Variants in ABCA13 observed in about 807,000 individuals in gnomAD.
ABCA13 encodes the protein ATP binding cassette subfamily A member 13.
In ABCA13, 476 loss-of-function variants were observed where a neutral mutation model predicts 478.7. The ratio of observed to expected loss-of-function variants is 0.99; its 90% confidence interval spans 0.92 to 1.07. The LOEUF (loss-of-function observed/expected upper bound fraction) is 1.07. Among genes scored for constraint, ABCA13 ranks in the 50% least tolerant of loss-of-function variants. The pLI is 0.00. For missense variants in ABCA13, 6,060 were observed against 5,910.6 expected (o/e 1.03, Z -0.83); for synonymous variants, 2,252 against 2,158.9 (o/e 1.04, Z -1.20).
At chr7:48,246,408 A>G (rs1342538423) in intron 13 of ABCA13, among the ~76,000 whole-genome samples, 1 of 152,216 alleles carries the variant, frequency 6.6e-6, no homozygotes, top group Non-Finnish European at 1.5e-5. Flanking sequence ...ACAAGCTTTA[A>G]AAGTCATATT....
intron 59 of ABCA13, among the ~76,000 whole-genome samples, chr7:48,634,682 G>A (rs1029065754): frequency 6.6e-6 from 1 of 151,714 alleles, no homozygotes; most frequent in Non-Finnish European, 1.5e-5. Context: ...TTTAGGTTTA[G>A]TTTGCTTTTC....
chr7:48,209,846 C>A (rs760039937), intron 3 of ABCA13, among the ~76,000 whole-genome samples: 15 of 151,838 alleles, frequency 9.9e-5, no homozygotes, highest in Non-Finnish European at 2.1e-4. Context: ...CCTTTTTTGC[C>A]TCAAACTTTA....
At chr7:48,371,957 T>A (rs1004773187) in intron 32 of ABCA13, among the ~76,000 whole-genome samples, 1 of 152,164 alleles carries the variant, frequency 6.6e-6, no homozygotes, top group Non-Finnish European at 1.5e-5. Flanking sequence ...AAAAATTTAA[T>A]TTAATTTTAA....
chr7:48,507,798 T>C, intron 49 of ABCA13, 74 bp from the exon 50 acceptor site: 1 of 1,465,432 alleles, frequency 6.8e-7, no homozygotes, highest in Non-Finnish European at 9.1e-7. Flanking sequence ...GCTGTCATCA[T>C]TGCTGATTGT....
At chr7:48,586,933 G>A (rs963072681) in intron 56 of ABCA13, among the ~76,000 whole-genome samples, 2 of 152,076 alleles carry the variant, frequency 1.3e-5, no homozygotes, top group African/African-American at 4.8e-5. Context: ...TGATTATTCT[G>A]ACCATCACTT....
intron 32 of ABCA13, among the ~76,000 whole-genome samples, chr7:48,370,784 A>G (rs1263070682): frequency 6.6e-6 from 1 of 152,228 alleles, no homozygotes; most frequent in Non-Finnish European, 1.5e-5. Context: ...AAAGTTTGAA[A>G]GAGCACAAAT....
At chr7:48,312,957 A>T in intron 24 of ABCA13, 110 bp from the exon 25 acceptor site, 1 of 1,197,758 alleles carries the variant, frequency 8.3e-7, no homozygotes, top group African/African-American at 1.5e-5. Context: ...CTGAAGTTCA[A>T]GAGAGAATAA....
At chr7:48,352,124 G>C in intron 30 of ABCA13, 57 bp from the exon 31 acceptor site, 7 of 1,519,182 alleles carry the variant, frequency 4.6e-6, no homozygotes, top group Non-Finnish European at 6.2e-6. Flanking sequence ...GTGTAGGCGT[G>C]GTTTGAGCCA....
At chr7:48,173,848 T>C (rs192708068) in intron 1 of ABCA13, among the ~76,000 whole-genome samples, 1 of 152,334 alleles carries the variant, frequency 6.6e-6, no homozygotes, top group East Asian at 1.9e-4. Context: ...CAACAGTACC[T>C]GGTATAGGAG....
chr7:48,481,461 G>GACTTTC lies in ABCA13; in HGVS notation c.13094+311_13094+316dup, dbSNP rs572300037. Among the ~76,000 whole-genome samples the GACTTTC allele has an allele frequency of 9.2e-5, 14 of 152,304 alleles. No individual in the cohort carries two copies. In the East Asian group the frequency reaches 2.5e-3, roughly 27 times the overall value. On this transcript the variant is annotated intron_variant, in intron 46 of 61. Coordinates refer to ENST00000435803, the MANE Select transcript of ABCA13 (RefSeq NM_152701.5). ...GACCTTAATAAGATTCCTTACTGCTGACTTTCACTCTTTTAAGTGCTGGGG... is the reference window on the plus strand; with the variant it reads ...GACCTTAATAAGATTCCTTACTGCTGACTTTCACTTTCACTCTTTTAAGTGCTGGGG...
rs949537811 is a variant in ABCA13 at position 48,288,024 on chromosome 7, G to A, written c.8901G>A (p.Arg2967=). ...ATLSCKQNGI[R]HLILSAIQGV... ...TGAGTTGCAAGCAAAATGGGATAAG[G>A]CATCTCATTTTATCTGCTATACAAG... The change falls in exon 20 of 62, where the codon AGG becomes AGA. Residue 2967 remains arginine, a synonymous_variant. Transcript: ENST00000435803. The A allele has an allele frequency of 2.9e-5, 47 of 1,613,960 alleles. No individual in the cohort carries two copies. Among genetic ancestry groups the A allele is most frequent in the Non-Finnish European group, 4.0e-5 (47 of 1,179,876 alleles).
In ABCA13 at chr7:48,341,725, C is replaced by CTG. The variant is rs1184099845; in HGVS notation, c.10204+3280_10204+3281dup. Among the ~76,000 whole-genome samples the CTG allele has an allele frequency of 5.4e-5, 8 of 148,762 alleles. No individual in the cohort carries two copies. In the East Asian group the frequency reaches 7.9e-4, roughly 15 times the overall value. On this transcript the variant is annotated intron_variant, in intron 29 of 61. Coordinates refer to ENST00000435803, the MANE Select transcript of ABCA13 (RefSeq NM_152701.5). Reference sequence around the variant, plus strand: ...TCTCTATTGGTTTTTTCCTTTTGCCCTGTGTGTGTGTATGTGTGTGTGTTT... The same window carrying CTG: ...TCTCTATTGGTTTTTTCCTTTTGCCCTGTGTGTGTGTGTATGTGTGTGTGTTT...
intron 42 of ABCA13, among the ~76,000 whole-genome samples, chr7:48,453,608 A>G (rs888775723): frequency 6.6e-6 from 1 of 152,046 alleles, no homozygotes; most frequent in South Asian, 2.1e-4. Flanking sequence ...AGGCCTATTT[A>G]TACCTCCTGT....
intron 48 of ABCA13, among the ~76,000 whole-genome samples, chr7:48,503,314 T>C (rs894402985): frequency 1.3e-5 from 2 of 152,188 alleles, no homozygotes; most frequent in Non-Finnish European, 2.9e-5. Flanking sequence ...GGCCTCAAAC[T>C]CTTGGGCTTA....
intron 41 of ABCA13, among the ~76,000 whole-genome samples, chr7:48,417,744 T>C: frequency 6.6e-6 from 1 of 152,288 alleles, no homozygotes; most frequent in Middle Eastern, 3.4e-3. Context: ...TGGGTTTGGA[T>C]GAGTATATAA....
intron 7 of ABCA13, among the ~76,000 whole-genome samples, chr7:48,230,693 A>C (rs1349063909): frequency 2.0e-5 from 3 of 151,826 alleles, no homozygotes; most frequent in Non-Finnish European, 4.4e-5. Flanking sequence ...CTATCCATCT[A>C]TTCGTCCATT....
At chr7:48,527,153 G>A (rs751506866) in intron 54 of ABCA13, among the ~76,000 whole-genome samples, 68 of 152,232 alleles carry the variant, frequency 4.5e-4, no homozygotes, top group Admixed American at 1.9e-3. Context: ...GCCTAAAAGC[G>A]TTGGTAGAAT....
At chr7:48,509,769 T>G (rs1409662414) in intron 50 of ABCA13, among the ~76,000 whole-genome samples, 1 of 152,216 alleles carries the variant, frequency 6.6e-6, no homozygotes, top group Non-Finnish European at 1.5e-5. Context: ...AAATTCATGT[T>G]GACACCTAAT....
chr7:48,617,434 G>GGAGGGAAGATTAT, intron 59 of ABCA13, among the ~76,000 whole-genome samples: 1 of 152,210 alleles, frequency 6.6e-6, no homozygotes. Flanking sequence ...GGCTGAATTT[G>GGAGGGAAGATTAT]GGCAGGGATC....
Sources: allele counts gnomAD v4.1 joint callset (sites outside exome capture counted in the v4.1 genomes callset), GRCh38; gene constraint gnomAD v4.1.1; transcripts MANE v1.5; gene names NCBI Gene and HGNC (gene_info 2026-07-23, HGNC 2026-07-21).